Variants in KCNJ10 observed in about 807,000 individuals in gnomAD.
KCNJ10 encodes the protein ATP-sensitive inward rectifier potassium channel 10.
KCNJ10 carries 9 observed loss-of-function variants against 22.2 expected under a neutral mutation model. That is an observed-to-expected ratio of 0.40 (90% CI 0.24 to 0.71). KCNJ10 has a LOEUF of 0.71. Ranked by LOEUF, KCNJ10 falls within the 30% of genes least tolerant of loss-of-function variation. KCNJ10 has a pLI of 0.35. For synonymous variants in KCNJ10, 184 were observed against 187.3 expected, an observed-to-expected ratio of 0.98 and a Z score of 0.15; for missense variants, 337 against 482.7, an observed-to-expected ratio of 0.70 and a Z score of 2.83.
At chr1:160,053,238 C>A (rs1270561493) in intron 1 of KCNJ10, among the ~76,000 whole-genome samples, 1 of 152,182 alleles carries the variant, frequency 6.6e-6, no homozygotes, top group Non-Finnish European at 1.5e-5. Flanking sequence ...AGCTACTCAG[C>A]CTCATCTCAC....
At chr1:160,063,712 C>T (rs6690889) in intron 1 of KCNJ10, 85,945 of 152,152 alleles carry the variant, frequency 0.56, 24,619 homozygotes, top group East Asian at 0.72. Context: ...CCCAACAACC[C>T]TGTCAACTCT....
At chr1:160,043,539 A>C (rs182410926) in intron 1 of KCNJ10, among the ~76,000 whole-genome samples, 3 of 152,364 alleles carry the variant, frequency 2.0e-5, no homozygotes, top group Non-Finnish European at 2.9e-5. Context: ...TGTTAGGAAG[A>C]GTACAGATGG....
rs375911988 is a variant in KCNJ10, at chr1:160,048,493, T to A, written c.1-5961A>T. On this transcript the variant is annotated intron_variant, in intron 1 of 1. Transcript: ENST00000644903. ...TGCTAAATTAGGTGACTAGAGAAGA[T>A]GCTTCAACCCCCTCCCAGGGGCAGC... is the stretch of plus-strand genomic sequence containing the variant. 1.1e-4 allele frequency among the ~76,000 whole-genome samples: 16 copies of A among 152,210 alleles called. 1 individual carries two copies. In the East Asian group the frequency reaches 2.9e-3, roughly 27 times the overall value.
intron 1 of KCNJ10, among the ~76,000 whole-genome samples, chr1:160,069,282 G>A (rs561111793): frequency 6.6e-6 from 1 of 152,302 alleles, no homozygotes; most frequent in Admixed American, 6.5e-5. Context: ...GGTTAGTTCT[G>A]ATGAGAGGAG....
rs1228710247 is a variant in KCNJ10, at chr1:160,041,382, G to A, written c.*11C>T. On this transcript the variant is annotated 3_prime_UTR_variant, in exon 2 of 2. Transcript: ENST00000644903. This position sits in a 1 kb window ranked among gnomAD's most constrained non-coding sequence, Gnocchi z 4.4. ...AAGAGACCAGAGGAATGGGGGAGTG[G>A]GAACAGGTCATCAGACATTGCTGAT... The A allele has an allele frequency of 2.5e-6, 4 of 1,610,594 alleles. No homozygotes were observed. Among genetic ancestry groups the A allele is most frequent in the Non-Finnish European group, 3.4e-6 (4 of 1,179,074 alleles).
In KCNJ10 at chr1:160,042,255, T is replaced by C. The variant is rs1377862008; in HGVS notation, c.278A>G (p.His93Arg). Residue 93 changes from histidine (H) to arginine (R), a missense_variant, in exon 2 of 2, where the codon CAT (histidine) becomes CGT (arginine). By Grantham distance (29) the His-to-Arg change is conservative. This residue lies in a region of KCNJ10 where 107 missense variants were observed against 135.2 expected (regional missense o/e 0.79). Transcript: ENST00000644903. Reference protein sequence around the residue: ...GVVWYLVAVAHGDLLELDPPA... With the variant: ...GVVWYLVAVARGDLLELDPPA... ...GGGGTCCAGCTCCAGCAGGTCCCCATGTGCCACAGCTACCAGATACCACAC... is the reference window on the plus strand; with the variant it reads ...GGGGTCCAGCTCCAGCAGGTCCCCACGTGCCACAGCTACCAGATACCACAC... The C allele has an allele frequency of 6.2e-7, 1 of 1,614,094 alleles. No homozygotes were observed. The highest frequency in any genetic ancestry group is 1.7e-5 in the Admixed American group (1 of 60,024).
At chr1:160,058,635 G>A (rs1347168976) in intron 1 of KCNJ10, among the ~76,000 whole-genome samples, 2 of 152,152 alleles carry the variant, frequency 1.3e-5, no homozygotes, top group African/African-American at 2.4e-5. Flanking sequence ...TGAATGAAAA[G>A]TAGGAAGAAG....
chr1:160,055,870 C>T (rs1649021971), intron 1 of KCNJ10, among the ~76,000 whole-genome samples: 1 of 152,210 alleles, frequency 6.6e-6, no homozygotes, highest in South Asian at 2.1e-4. Context: ...AACTGTTTCC[C>T]CCGTTCCGTG....
At chr1:160,052,683 T>C (rs753470798) in intron 1 of KCNJ10, among the ~76,000 whole-genome samples, 2 of 152,206 alleles carry the variant, frequency 1.3e-5, no homozygotes, top group Non-Finnish European at 2.9e-5. Context: ...GAACATGCAC[T>C]GGACTGGGAA....
At position 160,039,098 on chromosome 1, in the gene KCNJ10, G is replaced by A. The variant is rs1235188977; in HGVS notation, c.*2295C>T. 6.5e-6 allele frequency: 1 copy of A among 152,694 alleles called. No individual in the cohort carries two copies. Among genetic ancestry groups the A allele is most frequent in the African/African-American group, 2.4e-5 (1 of 41,428 alleles). 9.5% of individuals were successfully genotyped at this position (152,694 alleles called of 1,614,324 possible). On this transcript the variant is annotated 3_prime_UTR_variant, in exon 2 of 2. Coordinates refer to ENST00000644903, the MANE Select transcript of KCNJ10 (RefSeq NM_002241.5). ...AGAACCATTTAGAGTTAAGGTAGGG[G>A]GTAGTTGTTCCCTGTAGGGGGCTTG...
chr1:160,065,952 C>T (rs1033383990), intron 1 of KCNJ10, among the ~76,000 whole-genome samples: 1 of 151,904 alleles, frequency 6.6e-6, no homozygotes, highest in Admixed American at 6.6e-5. Flanking sequence ...ACAAGCCAAT[C>T]AGGAGACACA....
intron 1 of KCNJ10, among the ~76,000 whole-genome samples, chr1:160,046,889 A>G (rs1648754563): frequency 6.6e-6 from 1 of 152,230 alleles, no homozygotes; most frequent in Non-Finnish European, 1.5e-5. Flanking sequence ...TCCCCAAAAC[A>G]GTCCCAGCCG....
chr1:160,059,111 G>A (rs1444535761), intron 1 of KCNJ10, among the ~76,000 whole-genome samples: 2 of 152,156 alleles, frequency 1.3e-5, no homozygotes, highest in Non-Finnish European at 1.5e-5. Flanking sequence ...TCAGATGAAC[G>A]GGTGGAAACT....
At chr1:160,049,142 C>T (rs535220253) in intron 1 of KCNJ10, among the ~76,000 whole-genome samples, 23 of 152,248 alleles carry the variant, frequency 1.5e-4, no homozygotes, top group Admixed American at 2.6e-4. Context: ...GCCCAGGTCC[C>T]GTCTCCCAAA....
At chr1:160,049,722 T>TATATTTATATATATATATATATATA (rs1553235666) in intron 1 of KCNJ10, among the ~76,000 whole-genome samples, 1 of 122,898 alleles carries the variant, frequency 8.1e-6, no homozygotes, top group African/African-American at 3.1e-5. Flanking sequence ...TATATATATG[T>TATATTTATATATATATATATATATA]TATCCTAAAG....
intron 1 of KCNJ10, among the ~76,000 whole-genome samples, chr1:160,065,975 C>G (rs1649315088): frequency 6.6e-6 from 1 of 151,870 alleles, no homozygotes; most frequent in African/African-American, 2.4e-5. Context: ...AAGAGAAGGG[C>G]ATATAAACCT....
Position 160,042,332 on chromosome 1 carries a change from C to T in KCNJ10, c.201G>A (p.Lys67=). The T allele has an allele frequency of 6.2e-7, 1 of 1,613,224 alleles. No individual in the cohort carries two copies. Among genetic ancestry groups the T allele is most frequent in the Non-Finnish European group, 8.5e-7 (1 of 1,179,182 alleles). The change falls in exon 2 of 2, where the codon AAG becomes AAA. Residue 67 remains lysine (K), a synonymous_variant. Transcript: ENST00000644903. ...TTFIDMQWRY[K]LLLFSATFAG... is the part of the protein sequence containing the mutation. ...CAAAGGTCGCAGAGAAGAGCAGAAG[C>T]TTGTAGCGCCACTGCATGTCAATGA...
rs529869793 is a variant in KCNJ10 at position 160,049,310 on chromosome 1, C to T, written c.1-6778G>A. On this transcript the variant is annotated intron_variant, in intron 1 of 1. Coordinates refer to ENST00000644903, the MANE Select transcript of KCNJ10 (RefSeq NM_002241.5). ...TGAACCTGCTTTCTAGCCTTATCTC[C>T]GACCACTTTTCTGCTATGGCACACT... Among the ~76,000 whole-genome samples, 8 of 152,208 alleles carry T rather than the reference C, an allele frequency of 5.3e-5. No homozygotes were observed. The East Asian group carries it at 1.4e-3, about 26-fold the overall frequency.
chr1:160,042,540 G>T lies in KCNJ10; in HGVS notation c.1-8C>A, dbSNP rs375541268. ...CTTGGCAACTGACGTCATCTGGAGG[G>T]AGCAAGACAGCATAATGGAGGTTAT... is the stretch of plus-strand genomic sequence containing the variant. On this transcript the variant is annotated splice_region_variant and splice_polypyrimidine_tract_variant and intron_variant, in intron 1 of 1. Transcript: ENST00000644903. 6.2e-7 allele frequency: 1 copy of T among 1,613,138 alleles called. No homozygotes were observed. Among genetic ancestry groups the T allele is most frequent in the Admixed American group, 1.7e-5 (1 of 60,036 alleles).
Sources: allele counts gnomAD v4.1 joint callset (sites outside exome capture counted in the v4.1 genomes callset), GRCh38; gene constraint gnomAD v4.1.1; regional missense constraint gnomAD v4.1.1; non-coding constraint Gnocchi (gnomAD v3.1); transcripts MANE v1.5; gene names NCBI Gene and HGNC (gene_info 2026-07-23, HGNC 2026-07-21).